The following SLC24A2 variants were observed in gnomAD, a reference collection of about 807,000 sequenced individuals.
SLC24A2 encodes the protein sodium/potassium/calcium exchanger 2.
SLC24A2 carries 36 observed loss-of-function variants against 62.0 expected under a neutral mutation model. The ratio of observed to expected loss-of-function variants is 0.58; its 90% CI spans 0.44 to 0.77. The LOEUF (loss-of-function observed/expected upper bound fraction) is 0.77, where lower values mean the gene tolerates loss of function less well. Among genes scored for constraint, SLC24A2 ranks in the 30% least tolerant of loss-of-function variants. SLC24A2 has a pLI of 0.00. For synonymous variants in SLC24A2, 358 were observed against 294.0 expected, an observed-to-expected ratio of 1.22 and a Z score of -2.23; for missense variants, 846 against 817.9, an observed-to-expected ratio of 1.03 and a Z score of -0.42.
upstream of SLC24A2, among the ~76,000 whole-genome samples, chr9:19,791,557 T>C (rs982452958): frequency 1.3e-5 from 2 of 152,226 alleles, no homozygotes; most frequent in Non-Finnish European, 1.5e-5. Context: ...ACCAAGAACT[T>C]GGCAATTAAT....
the SLC24A2 span, among the ~76,000 whole-genome samples, chr9:19,992,964 G>A: frequency 3.9e-5 from 6 of 152,188 alleles, no homozygotes; most frequent in African/African-American, 1.2e-4. Context: ...CCATGGCTCA[G>A]TCAGTGGTAG....
At chr9:20,071,686 T>A in the SLC24A2 span, among the ~76,000 whole-genome samples, 626 of 152,234 alleles carry the variant, frequency 4.1e-3, 5 homozygotes, top group African/African-American at 0.014. Context: ...GAAAACTGGG[T>A]GGTCTTGTGG....
chr9:19,764,249 T>G (rs1004814301), intron 2 of SLC24A2, among the ~76,000 whole-genome samples: 3 of 152,190 alleles, frequency 2.0e-5, no homozygotes, highest in African/African-American at 7.2e-5. Flanking sequence ...TTTGTTAATC[T>G]TTGCAAAAAA....
the SLC24A2 span, among the ~76,000 whole-genome samples, chr9:20,140,539 G>T: frequency 6.6e-6 from 1 of 152,230 alleles, no homozygotes; most frequent in Non-Finnish European, 1.5e-5. Context: ...CAGTTCTTAA[G>T]CAGGCAAAAA....
chr9:19,583,425 T>C (rs1836264928), intron 5 of SLC24A2, among the ~76,000 whole-genome samples: 1 of 152,204 alleles, frequency 6.6e-6, no homozygotes, highest in African/African-American at 2.4e-5. Flanking sequence ...TAATATACTA[T>C]ATCATTATGA....
At chr9:19,869,989 A>T in the SLC24A2 span, among the ~76,000 whole-genome samples, 4 of 152,170 alleles carry the variant, frequency 2.6e-5, no homozygotes, top group African/African-American at 7.2e-5. Context: ...TCTACACTTC[A>T]TCCTTACTTT....
At chr9:20,265,415 C>T in the SLC24A2 span, among the ~76,000 whole-genome samples, 1 of 152,114 alleles carries the variant, frequency 6.6e-6, no homozygotes, top group Non-Finnish European at 1.5e-5. Flanking sequence ...TTATTAGATC[C>T]CCAAATTAAT....
chr9:19,677,950 A>G (rs1237859651), intron 2 of SLC24A2, among the ~76,000 whole-genome samples: 2 of 152,176 alleles, frequency 1.3e-5, no homozygotes, highest in African/African-American at 4.8e-5. Flanking sequence ...ATGACCAATG[A>G]CAGAGCCAGG....
chr9:19,946,261 C>A, the SLC24A2 span, among the ~76,000 whole-genome samples: 1 of 152,146 alleles, frequency 6.6e-6, no homozygotes, highest in Non-Finnish European at 1.5e-5. Flanking sequence ...CTGATTCCTG[C>A]CTGACACGGG....
At position 19,559,197 on chromosome 9, in the gene SLC24A2, A is replaced by C. The variant is rs150656261; in HGVS notation, c.1348-8929T>G. Among the ~76,000 whole-genome samples, 20 of 152,358 alleles carry C rather than the reference A, an allele frequency of 1.3e-4. No individual in the cohort carries two copies. In the East Asian group the frequency reaches 2.3e-3, roughly 18 times the overall value. On this transcript the variant is annotated intron_variant, in intron 7 of 10. Transcript: ENST00000341998. ...TTTCTTCAAAGACATGTAGGAGAAA[A>C]AAAGCTTGACTAGGTGAATTATAAC...
chr9:19,850,967 GTATA>G, the SLC24A2 span, among the ~76,000 whole-genome samples: 2 of 18,192 alleles, frequency 1.1e-4, no homozygotes, highest in African/African-American at 3.6e-4. Context: ...ATATATATAT[GTATA>G]TATATATATA....
chr9:19,825,232 T>G, the SLC24A2 span, among the ~76,000 whole-genome samples: 118,186 of 151,822 alleles, frequency 0.78, 49,250 homozygotes, highest in Non-Finnish European at 0.94. Flanking sequence ...TAATAGCCAT[T>G]GTTTTAACCA....
At chr9:19,748,075 A>G (rs1821885049) in intron 2 of SLC24A2, among the ~76,000 whole-genome samples, 1 of 152,108 alleles carries the variant, frequency 6.6e-6, no homozygotes, top group African/African-American at 2.4e-5. Flanking sequence ...GGTTCTGCAA[A>G]ATTCGTAAGT....
At chr9:20,053,564 A>G in the SLC24A2 span, among the ~76,000 whole-genome samples, 4,006 of 152,156 alleles carry the variant, frequency 0.026, 179 homozygotes, top group African/African-American at 0.091. Flanking sequence ...CAAAATCCCA[A>G]TGTGATGGTA....
chr9:19,793,891 A>T (rs1296773665), upstream of SLC24A2, among the ~76,000 whole-genome samples: 2 of 152,208 alleles, frequency 1.3e-5, no homozygotes, highest in African/African-American at 4.8e-5. Context: ...TGCTTTGCTT[A>T]TTTAAAAAAA....
chr9:19,806,780 C>T, the SLC24A2 span, among the ~76,000 whole-genome samples: 4 of 152,128 alleles, frequency 2.6e-5, no homozygotes, highest in African/African-American at 4.8e-5. Flanking sequence ...CTGTGCCATG[C>T]GACTCACATC....
chr9:19,850,946 CATAT>C, the SLC24A2 span, among the ~76,000 whole-genome samples: 6 of 24,718 alleles, frequency 2.4e-4, no homozygotes, highest in South Asian at 8.1e-4. Flanking sequence ...TATATATATA[CATAT>C]ATATATATAT....
the SLC24A2 span, among the ~76,000 whole-genome samples, chr9:20,136,908 C>T: frequency 1.2e-4 from 19 of 152,184 alleles, no homozygotes; most frequent in Non-Finnish European, 2.2e-4. Flanking sequence ...AAGGACTTTA[C>T]GCCGCATTAA....
At chr9:20,082,461 G>A in the SLC24A2 span, among the ~76,000 whole-genome samples, 1 of 152,222 alleles carries the variant, frequency 6.6e-6, no homozygotes, top group Non-Finnish European at 1.5e-5. Context: ...CAAGGTGGCG[G>A]ATTTGCTGTT....
Sources: gnomAD v4.1 joint callset for allele counts (sites outside exome capture counted in the v4.1 genomes callset) on GRCh38, gnomAD v4.1.1 for gene constraint, MANE v1.5 for transcripts, NCBI Gene and HGNC (gene_info 2026-07-23, HGNC 2026-07-21) for gene names.